The following MDGA2 variants were observed in gnomAD, a reference collection of about 807,000 sequenced individuals.
The protein encoded by MDGA2 is MAM domain-containing glycosylphosphatidylinositol anchor protein 2.
A neutral mutation model predicts 117.8 loss-of-function variants in MDGA2; 40 were observed. That is an observed-to-expected ratio of 0.34 (90% confidence interval 0.26 to 0.44). MDGA2 has a LOEUF of 0.44. MDGA2 is among the 20% of genes least tolerant of loss of function. MDGA2 has a pLI of 1.00. For missense variants in MDGA2, 1,123 were observed against 1,250.6 expected (o/e 0.90, Z 1.54); for synonymous variants, 452 against 439.0 (o/e 1.03, Z -0.37).
intron 6 of MDGA2, among the ~76,000 whole-genome samples, chr14:47,065,496 T>G (rs557597706): frequency 1.8e-4 from 27 of 152,282 alleles, no homozygotes; most frequent in African/African-American, 6.5e-4. Context: ...ATCTTGAGCA[T>G]AGGCTTGAAA....
intron 2 of MDGA2, among the ~76,000 whole-genome samples, chr14:47,274,545 G>A (rs1430524246): frequency 6.6e-6 from 1 of 152,074 alleles, no homozygotes; most frequent in African/African-American, 2.4e-5. Flanking sequence ...ACATTTATGT[G>A]TACAAGTTTT....
At chr14:47,526,089 A>G (rs1366628607) in intron 1 of MDGA2, among the ~76,000 whole-genome samples, 1 of 152,110 alleles carries the variant, frequency 6.6e-6, no homozygotes, top group Non-Finnish European at 1.5e-5. Flanking sequence ...TTAATTTTCA[A>G]TCACTGCATT....
At chr14:46,974,939 T>G (rs1053050410) in intron 8 of MDGA2, among the ~76,000 whole-genome samples, 1 of 151,956 alleles carries the variant, frequency 6.6e-6, no homozygotes, top group Non-Finnish European at 1.5e-5. Context: ...AAGAAAATAT[T>G]TGCAACTCAG....
intron 11 of MDGA2, among the ~76,000 whole-genome samples, chr14:46,880,524 C>T (rs1182574098): frequency 6.6e-6 from 1 of 151,650 alleles, no homozygotes; most frequent in Non-Finnish European, 1.5e-5. Flanking sequence ...CATATCTAGG[C>T]TGAGTGCAGT....
chr14:46,936,694 A>G (rs530178316), intron 9 of MDGA2, among the ~76,000 whole-genome samples: 29 of 152,172 alleles, frequency 1.9e-4, no homozygotes, highest in African/African-American at 6.7e-4. Flanking sequence ...CTCAATAGAC[A>G]CAGAAGAAGC....
At chr14:46,902,272 C>T (rs766902704) in intron 10 of MDGA2, among the ~76,000 whole-genome samples, 9 of 151,928 alleles carry the variant, frequency 5.9e-5, no homozygotes, top group African/African-American at 1.7e-4. Context: ...CCAATGTTAA[C>T]GTAAGTGGTA....
At chr14:47,382,712 T>G (rs144645179) in intron 1 of MDGA2, among the ~76,000 whole-genome samples, 27,756 of 152,134 alleles carry the variant, frequency 0.18, 2,695 homozygotes, top group Admixed American at 0.26. Context: ...CAACAGGTGC[T>G]GGAGAGGATG....
At chr14:47,582,590 A>C (rs1207033311) in intron 1 of MDGA2, among the ~76,000 whole-genome samples, 1 of 151,842 alleles carries the variant, frequency 6.6e-6, no homozygotes, top group East Asian at 1.9e-4. Flanking sequence ...GAGTGTCAGC[A>C]CTGATTCTAG....
At chr14:46,902,632 T>C (rs1471604706) in intron 10 of MDGA2, among the ~76,000 whole-genome samples, 3 of 152,226 alleles carry the variant, frequency 2.0e-5, no homozygotes, top group Non-Finnish European at 4.4e-5. Flanking sequence ...TGATGCAGAA[T>C]GTATATAATA....
intron 1 of MDGA2, among the ~76,000 whole-genome samples, chr14:47,430,148 A>G (rs1278835011): frequency 6.6e-6 from 1 of 151,776 alleles, no homozygotes; most frequent in Non-Finnish European, 1.5e-5. Context: ...TATAACAACA[A>G]TGGTAATAGT....
At chr14:47,250,577 G>T (rs1468244924) in intron 2 of MDGA2, among the ~76,000 whole-genome samples, 4 of 152,128 alleles carry the variant, frequency 2.6e-5, no homozygotes, top group Non-Finnish European at 5.9e-5. Flanking sequence ...ATCGACTAGA[G>T]TTCTCTTCTT....
intron 6 of MDGA2, among the ~76,000 whole-genome samples, chr14:47,075,186 C>T (rs1890446594): frequency 6.6e-6 from 1 of 152,110 alleles, no homozygotes; most frequent in South Asian, 2.1e-4. Context: ...TAATGCTTTC[C>T]CCAATTCATG....
rs943789157 is a variant in MDGA2 at position 47,675,488 on chromosome 14, A to G, written c.-692T>C. 6.6e-6 allele frequency among the ~76,000 whole-genome samples: 1 copy of G among 152,042 alleles called. No individual in the cohort carries two copies. The highest frequency in any genetic ancestry group is 6.5e-5 in the Admixed American group (1 of 15,288). ...GCACACCAGCCCAGCCGCCACCGCC[A>G]CCGCTCTCCAAAATAGCCTTTAGCG... On this transcript the variant is annotated 5_prime_UTR_variant, in exon 1 of 17. Transcript: ENST00000399232.
chr14:47,592,831 A>T (rs1896466285), intron 1 of MDGA2, among the ~76,000 whole-genome samples: 1 of 152,198 alleles, frequency 6.6e-6, no homozygotes, highest in Non-Finnish European at 1.5e-5. Flanking sequence ...GCATGGGCAA[A>T]GATTTCATGA....
chr14:47,164,341 C>T (rs1336697096), intron 3 of MDGA2, among the ~76,000 whole-genome samples: 1 of 152,104 alleles, frequency 6.6e-6, no homozygotes, highest in African/African-American at 2.4e-5. Flanking sequence ...AAAATTTTTA[C>T]AATCTCCTCA....
intron 5 of MDGA2, among the ~76,000 whole-genome samples, chr14:47,103,422 A>C (rs1358384283): frequency 6.6e-6 from 1 of 152,228 alleles, no homozygotes; most frequent in East Asian, 1.9e-4. Flanking sequence ...AAAATAATCT[A>C]CCCATTTATG....
intron 1 of MDGA2, among the ~76,000 whole-genome samples, chr14:47,615,138 T>C (rs1896926332): frequency 6.6e-6 from 1 of 152,184 alleles, no homozygotes; most frequent in African/African-American, 2.4e-5. Flanking sequence ...CTTTATATTC[T>C]TTCTCATAGA....
intron 8 of MDGA2, among the ~76,000 whole-genome samples, chr14:47,000,760 A>C (rs1041051710): frequency 3.3e-5 from 5 of 151,882 alleles, no homozygotes; most frequent in African/African-American, 1.2e-4. Context: ...GTGGTGTTTT[A>C]GCATGCAAAG....
intron 8 of MDGA2, among the ~76,000 whole-genome samples, chr14:46,958,226 G>A (rs1395133752): frequency 6.6e-6 from 1 of 152,142 alleles, no homozygotes; most frequent in Non-Finnish European, 1.5e-5. Context: ...AGATGGTCAG[G>A]TGAGTAAGCA....
Sources: gnomAD v4.1 joint callset for allele counts (sites outside exome capture counted in the v4.1 genomes callset) on GRCh38, gnomAD v4.1.1 for gene constraint, MANE v1.5 for transcripts, NCBI Gene and HGNC (gene_info 2026-07-23, HGNC 2026-07-21) for gene names.